The following ABI3BP variants were observed in gnomAD, a reference collection of about 807,000 sequenced individuals.
ABI3BP encodes ABI family member 3 binding protein.
Under a neutral mutation model 268.6 loss-of-function variants are expected in ABI3BP, and 216 were observed. That is an observed-to-expected ratio of 0.80 (90% CI 0.72 to 0.90). The LOEUF is 0.90. Ranked by LOEUF, ABI3BP falls within the 40% of genes least tolerant of loss-of-function variation. The pLI is 0.00. For synonymous variants in ABI3BP, 730 were observed against 730.0 expected (o/e 1.00, Z 0.00); for missense variants, 2,090 against 2,182.4 (o/e 0.96, Z 0.84).
chr3:100,959,382 C>G (rs568713675), intron 1 of ABI3BP, among the ~76,000 whole-genome samples: 1 of 144,946 alleles, frequency 6.9e-6, no homozygotes, highest in African/African-American at 2.6e-5. Flanking sequence ...CCCAGCTACT[C>G]GGGAGGCTGA....
chr3:100,763,608 G>A (rs1349664201), intron 63 of ABI3BP, among the ~76,000 whole-genome samples: 1 of 152,108 alleles, frequency 6.6e-6, no homozygotes, highest in Non-Finnish European at 1.5e-5. Flanking sequence ...ATATAATGAG[G>A]GTGGGATAAA....
intron 1 of ABI3BP, among the ~76,000 whole-genome samples, chr3:100,975,872 C>G (rs1466068952): frequency 6.6e-6 from 1 of 152,070 alleles, no homozygotes; most frequent in African/African-American, 2.4e-5. Flanking sequence ...TGGGAAGAGG[C>G]ACTAATCAGA....
chr3:100,949,713 T>C (rs2074106680), intron 1 of ABI3BP, among the ~76,000 whole-genome samples: 1 of 152,218 alleles, frequency 6.6e-6, no homozygotes, highest in South Asian at 2.1e-4. Flanking sequence ...ATTGTATTGT[T>C]TGTGAGATCA....
At chr3:100,831,563 T>G (rs1227058113) in intron 31 of ABI3BP, among the ~76,000 whole-genome samples, 1 of 152,120 alleles carries the variant, frequency 6.6e-6, no homozygotes, top group East Asian at 1.9e-4. Context: ...GTAGGGATCA[T>G]TGAAGCCCCC....
At chr3:100,818,659 A>AT in intron 40 of ABI3BP, 78 bp from the exon 41 acceptor site, 1 of 1,143,212 alleles carries the variant, frequency 8.7e-7, no homozygotes, top group Non-Finnish European at 1.2e-6. Flanking sequence ...TTCAATCAGT[A>AT]TATAGCAATT....
chr3:100,949,850 G>A (rs1464617931), intron 1 of ABI3BP, among the ~76,000 whole-genome samples: 1 of 152,158 alleles, frequency 6.6e-6, no homozygotes, highest in African/African-American at 2.4e-5. Flanking sequence ...GCCACACACA[G>A]GGTTTGGAGT....
intron 66 of ABI3BP, chr3:100,752,556 A>T (rs866184682): frequency 5.2e-5 from 22 of 426,864 alleles, no homozygotes; most frequent in South Asian, 1.8e-4. Flanking sequence ...CCAGTTTGTC[A>T]TGATGGCACT....
chr3:100,931,601 C>T (rs1340174176), intron 1 of ABI3BP, among the ~76,000 whole-genome samples: 3 of 151,818 alleles, frequency 2.0e-5, no homozygotes, highest in African/African-American at 4.8e-5. Flanking sequence ...ATACCATTCA[C>T]AATAGCCACA....
intron 55 of ABI3BP, among the ~76,000 whole-genome samples, chr3:100,792,016 C>A (rs879830134): frequency 5.3e-5 from 8 of 151,776 alleles, no homozygotes; most frequent in Admixed American, 2.0e-4. Flanking sequence ...CAGAGATGGG[C>A]AAAAGGGGTA....
chr3:100,922,556 T>TGGTGATGGTGAC (rs2060589680), intron 2 of ABI3BP, among the ~76,000 whole-genome samples: 1 of 151,376 alleles, frequency 6.6e-6, no homozygotes, highest in Admixed American at 6.6e-5. Flanking sequence ...GTGATGGTGA[T>TGGTGATGGTGAC]GGCGATGGCG....
chr3:100,886,109 AG>A (rs2041875080), intron 5 of ABI3BP, 32 bp downstream of exon 5: 3 of 1,505,592 alleles, frequency 2.0e-6, no homozygotes, highest in East Asian at 2.3e-5. Flanking sequence ...AAATTATAAA[AG>A]CTTACTGAAA....
chr3:100,990,394 CTA>C (rs368879501), intron 1 of ABI3BP, among the ~76,000 whole-genome samples: 2 of 151,902 alleles, frequency 1.3e-5, no homozygotes, highest in African/African-American at 2.4e-5. Flanking sequence ...TTTGACAAAA[CTA>C]TAGTCATTTA....
chr3:100,841,218 T>TG (rs1560681437), intron 21 of ABI3BP, among the ~76,000 whole-genome samples: 11 of 142,760 alleles, frequency 7.7e-5, no homozygotes, highest in Non-Finnish European at 1.2e-4. Context: ...TTTTTTTTTT[T>TG]TTTTTTTTTG....
chr3:100,957,079 A>G (rs1383336516), intron 1 of ABI3BP, among the ~76,000 whole-genome samples: 1 of 152,232 alleles, frequency 6.6e-6, no homozygotes, highest in African/African-American at 2.4e-5. Context: ...TTTGGGTGCT[A>G]TCTTGAGACT....
intron 63 of ABI3BP, among the ~76,000 whole-genome samples, chr3:100,755,778 G>T (rs189865290): frequency 3.9e-5 from 6 of 152,292 alleles, no homozygotes; most frequent in African/African-American, 1.4e-4. Context: ...AAAGAACATT[G>T]AATTCAAAAG....
intron 6 of ABI3BP, among the ~76,000 whole-genome samples, chr3:100,880,006 T>C (rs1561202233): frequency 6.6e-6 from 1 of 152,208 alleles, no homozygotes; most frequent in Non-Finnish European, 1.5e-5. Context: ...AATGAAGTAC[T>C]GTGATAATTT....
At chr3:100,954,831 T>C (rs917827021) in intron 1 of ABI3BP, among the ~76,000 whole-genome samples, 3 of 152,120 alleles carry the variant, frequency 2.0e-5, no homozygotes, top group African/African-American at 4.8e-5. Flanking sequence ...CCAGATAAAC[T>C]GTCACATAAA....
rs1008758369 is a variant in ABI3BP, at chr3:100,822,615, C to T, written c.2861G>A (p.Arg954His). 31 of 1,536,378 alleles carry T rather than the reference C, an allele frequency of 2.0e-5. No individual in the cohort carries two copies. The highest frequency in any genetic ancestry group is 2.7e-5 in the African/African-American group (2 of 73,004). The change falls in exon 38 of 68, where the codon CGT (arginine) becomes CAT (histidine). Residue 954 changes from arginine to histidine, a missense_variant. By Grantham distance (29) the Arg-to-His change is conservative (BLOSUM62 0). Transcript: ENST00000471714. ...RPRLRTKTTP[R>H]PEAPESKPVP... ...TGGTTTGGATTCAGGTGCTTCAGGA[C>T]GTGGTGTGGTTTTTGTTCTGAGACG...
chr3:100,827,885 T>C (rs1410024592), intron 34 of ABI3BP, among the ~76,000 whole-genome samples: 3 of 152,228 alleles, frequency 2.0e-5, no homozygotes, highest in South Asian at 2.1e-4. Flanking sequence ...ATTATTTAAA[T>C]CTACTAGCCT....
Sources: gnomAD v4.1 joint callset for allele counts (sites outside exome capture counted in the v4.1 genomes callset) on GRCh38, gnomAD v4.1.1 for gene constraint, MANE v1.5 for transcripts, NCBI Gene and HGNC (gene_info 2026-07-23, HGNC 2026-07-21) for gene names.